The following SP5 variants were observed in gnomAD, a reference collection of about 807,000 sequenced individuals.
SP5 encodes the protein Sp5 transcription factor, also known as transcription factor Sp5.
SP5 carries 12 observed loss-of-function variants against 27.4 expected under a neutral mutation model. The ratio of observed to expected loss-of-function variants is 0.44; its 90% confidence interval spans 0.28 to 0.71. The LOEUF (loss-of-function observed/expected upper bound fraction) is 0.71. Among genes scored for constraint, SP5 ranks in the 30% least tolerant of loss-of-function variants. The probability of loss-of-function intolerance (pLI) is 0.15; values close to 1 mark genes in which losing one functional copy is unlikely to be tolerated. For missense variants in SP5, 660 were observed against 589.8 expected, an observed-to-expected ratio of 1.12 and a Z score of -1.23; for synonymous variants, 330 against 290.7, an observed-to-expected ratio of 1.14 and a Z score of -1.38.
Position 170,716,244 on chromosome 2 carries a change from T to A in SP5, c.52-15T>A, listed in dbSNP as rs751045010. On this transcript the variant is annotated splice_polypyrimidine_tract_variant and intron_variant, in intron 1 of 1. Coordinates refer to ENST00000375281, the MANE Select transcript of SP5 (RefSeq NM_001003845.3). ...CCTTTTGTCTCTTCTCCGCCCTCCC[T>A]CGCCGCCTATGCAGGACCGCACCCC... is the stretch of plus-strand genomic sequence containing the variant. 2 of 1,578,250 alleles carry A rather than the reference T, an allele frequency of 1.3e-6. No homozygotes were observed. Among genetic ancestry groups the A allele is most frequent in the South Asian group, 2.2e-5 (2 of 88,992 alleles).
At chr2:170,715,628 T>C in intron 1 of SP5, 65 bp downstream of exon 1, 4 of 1,520,802 alleles carry the variant, frequency 2.6e-6, no homozygotes, top group Non-Finnish European at 3.5e-6. Context: ...TCTCTCCTGG[T>C]ACTCCGTGCA....
chr2:170,715,691 G>C (rs753080293), intron 1 of SP5, 128 bp downstream of exon 1: 43 of 1,428,652 alleles, frequency 3.0e-5, no homozygotes, highest in Non-Finnish European at 3.8e-5. Flanking sequence ...GCCAGGCCTA[G>C]GGGTGCCCAC....
chr2:170,716,085 A>G (rs1471081291), intron 1 of SP5, 174 bp from the exon 2 acceptor site: 1 of 1,403,282 alleles, frequency 7.1e-7, no homozygotes, highest in African/African-American at 1.5e-5. Flanking sequence ...CAGGCACCAA[A>G]AGTTTCCCTC....
Position 170,716,345 on chromosome 2 carries a change from G to T in SP5, c.138G>T (p.Pro46=). ...LAATCSRIGQ[P]GAAAPPDFLQ... The stretch of plus-strand genomic sequence containing the variant: ...CCACCTGTAGCCGCATCGGCCAGCC[G>T]GGCGCGGCGGCGCCCCCGGACTTCC... Residue 46 remains proline (P), a synonymous_variant, in exon 2 of 2, where the codon CCG becomes CCT. Coordinates refer to ENST00000375281, the MANE Select transcript of SP5 (RefSeq NM_001003845.3). The T allele has an allele frequency of 6.3e-7, 1 of 1,595,926 alleles. No homozygotes were observed.
rs1386451290 is a variant in SP5 at position 170,715,541 on chromosome 2, A to G, written c.29A>G (p.Asp10Gly). The change falls in exon 1 of 2, where the codon GAC becomes GGC. Residue 10 changes from aspartate (D) to glycine (G), a missense_variant. Physicochemically the swap from Asp to Gly is moderately conservative, Grantham distance 94. Transcript: ENST00000375281. The stretch of plus-strand genomic sequence containing the variant: ...GCCGCGGTGGCCGTCCTCCGGAACG[A>G]CTCGCTGCAGGCCTTTCTCCAGGTC... Reference protein sequence around the residue: MAAVAVLRNDSLQAFLQDRT... With the variant: MAAVAVLRNGSLQAFLQDRT... 1 of 1,559,070 alleles carries G rather than the reference A, an allele frequency of 6.4e-7. No individual in the cohort carries two copies. The highest frequency in any genetic ancestry group is 2.4e-5 in the East Asian group (1 of 42,038).
At chr2:170,715,646 C>T (rs1559229707) in intron 1 of SP5, 83 bp downstream of exon 1, 1 of 1,480,744 alleles carries the variant, frequency 6.8e-7, no homozygotes, top group Non-Finnish European at 9.0e-7. Flanking sequence ...GCACCTTGAA[C>T]CTCAAAGGGA....
At position 170,716,487 on chromosome 2, in the gene SP5, C is replaced by A; in HGVS notation, c.280C>A (p.Leu94Met). Residue 94 changes from leucine to methionine, a missense_variant, in exon 2 of 2, where the codon CTG (leucine) becomes ATG (methionine). Leu to Met is a conservative substitution (Grantham distance 15). Transcript: ENST00000375281. ...GCCGCCCCCGCATCCCAGCTTGGGG[C>A]TGACGCCGCAGAAGACGCACCTGCA... is the stretch of plus-strand genomic sequence containing the variant. ...ALPPPHPSLGLTPQKTHLQPS... is the reference protein window; with the variant it reads ...ALPPPHPSLGMTPQKTHLQPS... The A allele has an allele frequency of 1.9e-6, 3 of 1,609,750 alleles. No homozygotes were observed. The highest frequency in any genetic ancestry group is 2.5e-6 in the Non-Finnish European group (3 of 1,179,298).
Position 170,717,455 on chromosome 2 carries a change from G to A in SP5, c.*51G>A, listed in dbSNP as rs558703157. On this transcript the variant is annotated 3_prime_UTR_variant, in exon 2 of 2. Transcript: ENST00000375281. Reference sequence around the variant, plus strand: ...CCAGCACCTCTGCGAGAGATCCGGGGACCTGTGGGCAGCTGGCGGAGGGGA... The same window carrying A: ...CCAGCACCTCTGCGAGAGATCCGGGAACCTGTGGGCAGCTGGCGGAGGGGA... 1.3e-5 allele frequency: 20 copies of A among 1,593,596 alleles called. No homozygotes were observed. Among genetic ancestry groups the A allele is most frequent in the Admixed American group, 8.6e-5 (5 of 57,934 alleles).
In SP5 at chr2:170,716,673, C is replaced by G; in HGVS notation, c.466C>G (p.Pro156Ala). 6.3e-7 allele frequency: 1 copy of G among 1,593,184 alleles called. No homozygotes were observed. ...YVPYAAQAAL[P>A]PGYSNLLPPP... ...GCCCTACGCGGCGCAGGCCGCGCTG[C>G]CGCCAGGCTACTCCAACCTGCTGCC... is the stretch of plus-strand genomic sequence containing the variant. The change falls in exon 2 of 2, where the codon CCG becomes GCG. Residue 156 changes from proline (P) to alanine (A), a missense_variant. Transcript: ENST00000375281.
chr2:170,716,891 T>TGCTGCTGCGGCCGCCGCC lies in SP5; in HGVS notation c.687_704dup (p.Ala230_Ala235dup). The TGCTGCTGCGGCCGCCGCC allele has an allele frequency of 6.6e-7, 1 of 1,522,700 alleles. No individual in the cohort carries two copies. Among genetic ancestry groups the TGCTGCTGCGGCCGCCGCC allele is most frequent in the Non-Finnish European group, 8.8e-7 (1 of 1,136,984 alleles). The allele number at this position is 1,522,700 out of a possible 1,614,324, so 94.3% of individuals were successfully genotyped here. Reference sequence around the variant, plus strand: ...CCCGCTTCCCCGCCTCTGCGGCCGCTGCTGCTGCGGCCGCCGCCGCCCTAC... The same window carrying TGCTGCTGCGGCCGCCGCC: ...CCCGCTTCCCCGCCTCTGCGGCCGCTGCTGCTGCGGCCGCCGCCGCTGCTGCGGCCGCCGCCGCCCTAC... On this transcript the variant is annotated inframe_insertion, in exon 2 of 2. Coordinates refer to ENST00000375281, the MANE Select transcript of SP5 (RefSeq NM_001003845.3).
rs1700096621 is a variant in SP5 at position 170,717,512 on chromosome 2, C to T, written c.*108C>T. Reference sequence around the variant, plus strand: ...GCAGACGGACCCTCTCCGTTGCCTGCCTCCCAAAATGGAGCCAGGCTTCCA... The same window carrying T: ...GCAGACGGACCCTCTCCGTTGCCTGTCTCCCAAAATGGAGCCAGGCTTCCA... On this transcript the variant is annotated 3_prime_UTR_variant, in exon 2 of 2. Transcript: ENST00000375281. 3 of 1,411,552 alleles carry T rather than the reference C, an allele frequency of 2.1e-6. No homozygotes were observed. Among genetic ancestry groups the T allele is most frequent in the Admixed American group, 5.0e-5 (2 of 40,094 alleles). 87.4% of individuals were successfully genotyped at this position (1,411,552 alleles called of 1,614,324 possible).
At position 170,717,472 on chromosome 2, in the gene SP5, C is replaced by A. The variant is rs1430835967; in HGVS notation, c.*68C>A. 2.6e-6 allele frequency: 4 copies of A among 1,568,046 alleles called. No individual in the cohort carries two copies. Among genetic ancestry groups the A allele is most frequent in the Non-Finnish European group, 3.4e-6 (4 of 1,161,820 alleles). On this transcript the variant is annotated 3_prime_UTR_variant, in exon 2 of 2. Transcript: ENST00000375281. ...GATCCGGGGACCTGTGGGCAGCTGGCGGAGGGGAGACTCAGCAGACGGACC... is the reference window on the plus strand; with the variant it reads ...GATCCGGGGACCTGTGGGCAGCTGGAGGAGGGGAGACTCAGCAGACGGACC...
At position 170,716,382 on chromosome 2, in the gene SP5, T is replaced by G. The variant is rs1254432220; in HGVS notation, c.175T>G (p.Tyr59Asp). ...GCCCCCGGACTTCCTGCAGGTGCCCTACGACCCCGCGCTGGGCTCACCCTC... is the reference window on the plus strand; with the variant it reads ...GCCCCCGGACTTCCTGCAGGTGCCCGACGACCCCGCGCTGGGCTCACCCTC... ...AAPPDFLQVPYDPALGSPSRL... is the reference protein window; with the variant it reads ...AAPPDFLQVPDDPALGSPSRL... The change falls in exon 2 of 2, where the codon TAC becomes GAC. Residue 59 changes from tyrosine to aspartate, a missense_variant. Coordinates refer to ENST00000375281, the MANE Select transcript of SP5 (RefSeq NM_001003845.3). The G allele has an allele frequency of 1.6e-5, 26 of 1,597,668 alleles. No individual in the cohort carries two copies. The highest frequency in any genetic ancestry group is 2.7e-5 in the African/African-American group (2 of 74,752).
Position 170,717,834 on chromosome 2 carries a change from GATAATT to G in SP5, c.*436_*441del, listed in dbSNP as rs1700102645. Reference sequence around the variant, plus strand: ...CAGGTTATTTAATAGCTTTGTTAAAGATAATTATAATAATTATAACATTAATAAAAA... The same window carrying G: ...CAGGTTATTTAATAGCTTTGTTAAAGATAATAATTATAACATTAATAAAAA... On this transcript the variant is annotated 3_prime_UTR_variant, in exon 2 of 2. Coordinates refer to ENST00000375281, the MANE Select transcript of SP5 (RefSeq NM_001003845.3). The G allele has an allele frequency of 1.7e-5, 3 of 171,996 alleles. No homozygotes were observed. The highest frequency in any genetic ancestry group is 7.2e-5 in the African/African-American group (3 of 41,810). The allele number at this position is 171,996 out of a possible 1,614,324, so 10.7% of individuals were successfully genotyped here. A position where few individuals can be genotyped will look rare whatever the true frequency, so the allele number is the denominator to read the frequency against.
intron 1 of SP5, chr2:170,715,854 G>A: frequency 1.0e-6 from 1 of 985,456 alleles, no homozygotes; most frequent in Non-Finnish European, 1.2e-6. Context: ...AGGGAGGAGC[G>A]CGAAGGCAGT....
chr2:170,717,498 C>T lies in SP5; in HGVS notation c.*94C>T. ...GGAGGGGAGACTCAGCAGACGGACC[C>T]TCTCCGTTGCCTGCCTCCCAAAATG... On this transcript the variant is annotated 3_prime_UTR_variant, in exon 2 of 2. Coordinates refer to ENST00000375281, the MANE Select transcript of SP5 (RefSeq NM_001003845.3). 3 of 1,473,232 alleles carry T rather than the reference C, an allele frequency of 2.0e-6. No homozygotes were observed. The highest frequency in any genetic ancestry group is 2.7e-6 in the Non-Finnish European group (3 of 1,100,722). The allele number at this position is 1,473,232 out of a possible 1,614,324, so 91.3% of individuals were successfully genotyped here.
At position 170,716,566 on chromosome 2, in the gene SP5, C is replaced by T. The variant is rs1406036446; in HGVS notation, c.359C>T (p.Ser120Leu). The T allele has an allele frequency of 4.3e-6, 7 of 1,610,678 alleles. No individual in the cohort carries two copies. The highest frequency in any genetic ancestry group is 5.1e-6 in the Non-Finnish European group (6 of 1,179,060). ...CCCCTTACACCCCCCGCCGACCCCT[C>T]GTACCCCTACGAGTTCTCGCCGGTC... ...ELPLTPPADP[S>L]YPYEFSPVKM... is the part of the protein sequence containing the mutation. The change falls in exon 2 of 2, where the codon TCG (serine) becomes TTG (leucine). Residue 120 changes from serine to leucine, a missense_variant. By Grantham distance (145) the Ser-to-Leu change is moderately radical. Coordinates refer to ENST00000375281, the MANE Select transcript of SP5 (RefSeq NM_001003845.3).
chr2:170,717,423 C>A lies in SP5; in HGVS notation c.*19C>A. On this transcript the variant is annotated 3_prime_UTR_variant, in exon 2 of 2. Transcript: ENST00000375281. ...CCTGTGAGCCCTCCCGGAGGTGGACCCCCTTCCCAGCACCTCTGCGAGAGA... is the reference window on the plus strand; with the variant it reads ...CCTGTGAGCCCTCCCGGAGGTGGACACCCTTCCCAGCACCTCTGCGAGAGA... 1 of 1,607,762 alleles carries A rather than the reference C, an allele frequency of 6.2e-7. No homozygotes were observed. Among genetic ancestry groups the A allele is most frequent in the Non-Finnish European group, 8.5e-7 (1 of 1,179,404 alleles).
At chr2:170,715,845 G>A (rs949947560) in intron 1 of SP5, 3 of 985,344 alleles carry the variant, frequency 3.0e-6, no homozygotes, top group Non-Finnish European at 3.6e-6. Flanking sequence ...GGGCGGGCCA[G>A]GGAGGAGCGC....
Sources: gnomAD v4.1 joint callset for allele counts on GRCh38, gnomAD v4.1.1 for gene constraint, MANE v1.5 for transcripts, NCBI Gene and HGNC (gene_info 2026-07-23, HGNC 2026-07-21) for gene names.